TENM4: variants seen among roughly 807,000 people sequenced by gnomAD.
TENM4 encodes the protein teneurin-4.
In TENM4, 82 loss-of-function variants were observed where a neutral mutation model predicts 243.3. That is an observed-to-expected ratio of 0.34 (90% CI 0.28 to 0.40). The LOEUF (loss-of-function observed/expected upper bound fraction) is 0.40. TENM4 is among the 10% of genes least tolerant of loss of function. The pLI is 1.00. For synonymous variants in TENM4, 1,412 were observed against 1,456.3 expected, an observed-to-expected ratio of 0.97 and a Z score of 0.69; for missense variants, 3,138 against 3,673.3, an observed-to-expected ratio of 0.85 and a Z score of 3.77.
At chr11:78,890,967 G>A (rs1056156813) in intron 8 of TENM4, among the ~76,000 whole-genome samples, 14 of 152,326 alleles carry the variant, frequency 9.2e-5, no homozygotes, top group Non-Finnish European at 1.9e-4. Flanking sequence ...GGCCTGTGCT[G>A]CATTAAAAAT....
chr11:79,028,650 T>A (rs1266139471), intron 6 of TENM4, among the ~76,000 whole-genome samples: 1 of 152,200 alleles, frequency 6.6e-6, no homozygotes, highest in African/African-American at 2.4e-5. Flanking sequence ...GCAGCTCCTT[T>A]CAGGGGAAGA....
chr11:78,745,707 G>C (rs1856035405), intron 19 of TENM4, among the ~76,000 whole-genome samples: 1 of 152,204 alleles, frequency 6.6e-6, no homozygotes, highest in Admixed American at 6.5e-5. Flanking sequence ...ACACTGTATA[G>C]ATAGAGCCCC....
intron 19 of TENM4, among the ~76,000 whole-genome samples, chr11:78,750,444 A>G (rs1387545537): frequency 6.6e-6 from 1 of 152,248 alleles, no homozygotes; most frequent in African/African-American, 2.4e-5. Flanking sequence ...GCTGAAGGCC[A>G]TCTCCTGCCA....
At chr11:79,120,317 G>C (rs558467495) in intron 4 of TENM4, among the ~76,000 whole-genome samples, 2 of 152,210 alleles carry the variant, frequency 1.3e-5, no homozygotes, top group Non-Finnish European at 1.5e-5. Context: ...AGTAACACCT[G>C]TACTCACTTA....
rs553835613 is a variant in TENM4, at chr11:79,064,760, G to A, written c.471C>T (p.Thr157=). 14 of 1,551,658 alleles carry A rather than the reference G, an allele frequency of 9.0e-6. No homozygotes were observed. Among genetic ancestry groups the A allele is most frequent in the African/African-American group, 6.8e-5 (5 of 73,136 alleles). ...RANSNLTLTD[T]EHENTETDHP... ...CACCAGTCTCAGTGTTTTCATGCTCGGTGTCGGTGAGTGTGAGATTGGAAT... is the reference window on the plus strand; with the variant it reads ...CACCAGTCTCAGTGTTTTCATGCTCAGTGTCGGTGAGTGTGAGATTGGAAT... Residue 157 remains threonine (T), a synonymous_variant, in exon 6 of 34, where the codon ACC becomes ACT. Transcript: ENST00000278550.
chr11:79,162,460 G>T (rs919546637), intron 3 of TENM4, among the ~76,000 whole-genome samples: 3 of 108,970 alleles, frequency 2.8e-5, no homozygotes, highest in African/African-American at 6.5e-5. Flanking sequence ...TAAAGTATTT[G>T]CTGTTATTAT....
chr11:79,380,346 A>G (rs1462933527), intron 1 of TENM4, among the ~76,000 whole-genome samples: 2 of 151,864 alleles, frequency 1.3e-5, no homozygotes, highest in African/African-American at 2.4e-5. Flanking sequence ...AATGAATGAC[A>G]ACACAAGGCT....
In TENM4 at chr11:78,708,528, A is replaced by T; in HGVS notation, c.4055-13T>A. On this transcript the variant is annotated splice_polypyrimidine_tract_variant and intron_variant, in intron 26 of 33. Transcript: ENST00000278550. Reference sequence around the variant, plus strand: ...TCCACTGTAATGCCTGGGGGCAGAGAAGCCAAAACAGGAACTCAGCATCAG... The same window carrying T: ...TCCACTGTAATGCCTGGGGGCAGAGTAGCCAAAACAGGAACTCAGCATCAG... 6.2e-7 allele frequency: 1 copy of T among 1,612,780 alleles called. No homozygotes were observed. Among genetic ancestry groups the T allele is most frequent in the Non-Finnish European group, 8.5e-7 (1 of 1,179,340 alleles).
intron 4 of TENM4, chr11:79,097,666 A>G (rs1861114963): frequency 6.6e-6 from 1 of 152,212 alleles, no homozygotes; most frequent in Non-Finnish European, 1.5e-5. Context: ...TTGCCCTGTA[A>G]GCTGAGAATA....
chr11:79,147,318 C>T lies in TENM4; in HGVS notation c.-66+1392G>A, dbSNP rs573931847. The stretch of plus-strand genomic sequence containing the variant: ...GTCTGTGTGTTTAAGGACCTTCATT[C>T]TGGGGGGCTCTAATCCTTACCATCT... On this transcript the variant is annotated intron_variant, in intron 4 of 33. Coordinates refer to ENST00000278550, the MANE Select transcript of TENM4 (RefSeq NM_001098816.3). Among the ~76,000 whole-genome samples the T allele has an allele frequency of 3.7e-4, 56 of 152,164 alleles. 1 individual carries two copies. In the South Asian group the frequency reaches 0.011, roughly 30 times the overall value.
At chr11:79,249,454 T>A (rs568500180) in intron 2 of TENM4, among the ~76,000 whole-genome samples, 1 of 152,274 alleles carries the variant, frequency 6.6e-6, no homozygotes, top group East Asian at 1.9e-4. Context: ...ATGAATAGAT[T>A]GAATCATAAA....
At chr11:79,305,838 C>T (rs1037074740) in intron 1 of TENM4, among the ~76,000 whole-genome samples, 1 of 152,180 alleles carries the variant, frequency 6.6e-6, no homozygotes, top group Admixed American at 6.5e-5. Context: ...GGAAAGTGTC[C>T]CTAACTTCAT....
At chr11:79,253,841 C>A (rs1387198901) in intron 2 of TENM4, among the ~76,000 whole-genome samples, 4 of 152,120 alleles carry the variant, frequency 2.6e-5, no homozygotes, top group Non-Finnish European at 4.4e-5. Context: ...CCAAACTTAT[C>A]TCCAATCCAG....
At chr11:78,916,668 A>G (rs1333177764) in intron 6 of TENM4, among the ~76,000 whole-genome samples, 2 of 152,334 alleles carry the variant, frequency 1.3e-5, no homozygotes, top group African/African-American at 2.4e-5. Flanking sequence ...GTTCATCTTC[A>G]GAGGAACAGT....
chr11:79,093,430 G>C (rs1861006304), intron 4 of TENM4: 1 of 152,252 alleles, frequency 6.6e-6, no homozygotes, highest in African/African-American at 2.4e-5. Context: ...CGGTGGAGTA[G>C]AGCAACTTTC....
chr11:78,664,381 G>A (rs761398734), intron 32 of TENM4, among the ~76,000 whole-genome samples: 6 of 152,158 alleles, frequency 3.9e-5, no homozygotes, highest in East Asian at 3.9e-4. Flanking sequence ...GACCACAGGC[G>A]TGCCATCATC....
intron 2 of TENM4, among the ~76,000 whole-genome samples, chr11:79,229,366 C>T (rs1291176408): frequency 6.6e-6 from 1 of 152,240 alleles, no homozygotes; most frequent in Non-Finnish European, 1.5e-5. Context: ...AATTTTCTTT[C>T]TATCTTCCAC....
At chr11:78,958,618 C>T (rs962230011) in intron 6 of TENM4, among the ~76,000 whole-genome samples, 2 of 152,210 alleles carry the variant, frequency 1.3e-5, no homozygotes, top group African/African-American at 2.4e-5. Context: ...AGCAGGGCAG[C>T]TCTGAGGCCT....
At chr11:78,717,778 G>A (rs980005984) in intron 25 of TENM4, among the ~76,000 whole-genome samples, 1 of 152,194 alleles carries the variant, frequency 6.6e-6, no homozygotes, top group Non-Finnish European at 1.5e-5. Flanking sequence ...GGACAATTAA[G>A]GGCTCTGAGT....
Sources: gnomAD v4.1 joint callset for allele counts (sites outside exome capture counted in the v4.1 genomes callset) on GRCh38, gnomAD v4.1.1 for gene constraint, MANE v1.5 for transcripts, NCBI Gene and HGNC (gene_info 2026-07-23, HGNC 2026-07-21) for gene names.